Variants in RYR1 observed in about 807,000 individuals in gnomAD.
The protein encoded by RYR1 is central core disease of muscle.
A neutral mutation model predicts 583.5 loss-of-function variants in RYR1; 342 were observed. That is an observed-to-expected ratio of 0.59 (90% confidence interval 0.54 to 0.64). The LOEUF is 0.64. Ranked by LOEUF, RYR1 falls within the 30% of genes least tolerant of loss-of-function variation. The pLI is 0.00. For missense variants in RYR1, 6,032 were observed against 6,917.2 expected, an observed-to-expected ratio of 0.87 and a Z score of 4.54; for synonymous variants, 2,791 against 2,822.5, an observed-to-expected ratio of 0.99 and a Z score of 0.35.
At position 38,467,731 on chromosome 19, in the gene RYR1, C is replaced by G; in HGVS notation, c.3300C>G (p.Arg1100=). ...EFEAVTTGEM[R]VGWARPELRP... Reference sequence around the variant, plus strand: ...AAGCAGTCACCACAGGCGAGATGCGCGTGGGCTGGGCGAGGCCCGAGCTGA... The same window carrying G: ...AAGCAGTCACCACAGGCGAGATGCGGGTGGGCTGGGCGAGGCCCGAGCTGA... Residue 1100 remains arginine, a synonymous_variant, in exon 25 of 106, where the codon CGC becomes CGG. Transcript: ENST00000359596. 6.2e-7 allele frequency: 1 copy of G among 1,614,226 alleles called. No individual in the cohort carries two copies. The highest frequency in any genetic ancestry group is 8.5e-7 in the Non-Finnish European group (1 of 1,180,040).
rs765925723 is a variant in RYR1 at position 38,561,476 on chromosome 19, C to T, written c.12624+22C>T. On this transcript the variant is annotated intron_variant, in intron 90 of 105. Coordinates refer to ENST00000359596, the MANE Select transcript of RYR1 (RefSeq NM_000540.3). This position sits in a 1 kb window ranked among gnomAD's most constrained non-coding sequence, Gnocchi z 4.8. ...CCAGGTCAGGGAACCCGCGCGCGTG[C>T]AAGCTCGCCTCCTGGGGCTTCGGGC... is the stretch of plus-strand genomic sequence containing the variant. The T allele has an allele frequency of 2.4e-5, 39 of 1,595,724 alleles. No homozygotes were observed. The highest frequency in any genetic ancestry group is 3.3e-5 in the Non-Finnish European group (39 of 1,173,626).
chr19:38,494,545 CG>C lies in RYR1; in HGVS notation c.6469del (p.Glu2157SerfsTer22). On this transcript the variant is annotated frameshift_variant, in exon 39 of 106. Transcript: ENST00000359596. LOFTEE classifies it high-confidence loss of function. ...CCGTGGAAGACACCATGAGCCTGCT[CG>C]AGTGCCTCGGCCAGATCCGCTCGCT... ...SSVEDTMSLL[E>X]CLGQIRSLLI... The C allele has an allele frequency of 1.9e-6, 3 of 1,614,048 alleles. No homozygotes were observed. Among genetic ancestry groups the C allele is most frequent in the South Asian group, 1.1e-5 (1 of 91,082 alleles).
chr19:38,470,603 C>G (rs552586624), intron 27 of RYR1, among the ~76,000 whole-genome samples: 1 of 151,882 alleles, frequency 6.6e-6, no homozygotes, highest in Non-Finnish European at 1.5e-5. Context: ...AAATTAATGG[C>G]GTGGTGGCGG....
At chr19:38,461,497 G>A (rs552013007) in intron 20 of RYR1, among the ~76,000 whole-genome samples, 4 of 152,042 alleles carry the variant, frequency 2.6e-5, no homozygotes, top group African/African-American at 9.6e-5. Context: ...CTGAGAGGCC[G>A]AGGCAGGATT....
intron 49 of RYR1, among the ~76,000 whole-genome samples, chr19:38,503,554 C>T (rs1970300138): frequency 6.6e-6 from 1 of 152,296 alleles, no homozygotes; most frequent in Non-Finnish European, 1.5e-5. Context: ...GGGCAGATCA[C>T]TTGAGGTCAG....
intron 89 of RYR1, among the ~76,000 whole-genome samples, chr19:38,550,224 A>C (rs919127344): frequency 6.6e-6 from 1 of 152,006 alleles, no homozygotes; most frequent in African/African-American, 2.4e-5. Context: ...TTCTTTCGTC[A>C]ATGTCTTTTC....
In RYR1 at chr19:38,584,948, C is replaced by G; in HGVS notation, c.14652C>G (p.Tyr4884Ter). Reference protein sequence around the residue: ...DMKCDDMMTCYLFHMYVGVRA... With the variant: ...DMKCDDMMTC Reference sequence around the variant, plus strand: ...AGTGTGCTCCCCTCCCTCAGTGTTACCTGTTTCACATGTACGTGGGTGTCC... The same window carrying G: ...AGTGTGCTCCCCTCCCTCAGTGTTAGCTGTTTCACATGTACGTGGGTGTCC... Residue 4884 changes from tyrosine (Y) to a stop codon, truncating the protein, a stop_gained, in exon 102 of 106, where the codon TAC becomes TAG. Coordinates refer to ENST00000359596, the MANE Select transcript of RYR1 (RefSeq NM_000540.3). LOFTEE classifies it high-confidence loss of function. 6.2e-7 allele frequency: 1 copy of G among 1,613,876 alleles called. No individual in the cohort carries two copies. Among genetic ancestry groups the G allele is most frequent in the Non-Finnish European group, 8.5e-7 (1 of 1,179,904 alleles).
At chr19:38,450,761 AC>A (rs1402977412) in intron 11 of RYR1, among the ~76,000 whole-genome samples, 1 of 26,884 alleles carries the variant, frequency 3.7e-5, no homozygotes, top group Non-Finnish European at 6.8e-5. Context: ...CCTTTTCTGT[AC>A]AACGTGGAAA....
In RYR1 at chr19:38,543,438, G is replaced by C. The variant is rs758215068; in HGVS notation, c.11778+3G>C. 4.0e-5 allele frequency: 65 copies of C among 1,614,118 alleles called. No homozygotes were observed. The highest frequency in any genetic ancestry group is 5.4e-5 in the Non-Finnish European group (64 of 1,180,058). On this transcript the variant is annotated splice_donor_region_variant and intron_variant, in intron 85 of 105. Transcript: ENST00000359596. This position sits in a 1 kb window ranked among gnomAD's most constrained non-coding sequence, Gnocchi z 4.4. ...TGGACTACCTCCTGCGGCTGCAGGT[G>C]AGGACGTGAGACGGTTCAGGTGTGA...
At position 38,543,461 on chromosome 19, in the gene RYR1, T is replaced by G. The variant is rs1273163140; in HGVS notation, c.11778+26T>G. ...GTGAGGACGTGAGACGGTTCAGGTG[T>G]GACTTGGGTCGGGGGCTGCAGGGCC... On this transcript the variant is annotated intron_variant, in intron 85 of 105. Coordinates refer to ENST00000359596, the MANE Select transcript of RYR1 (RefSeq NM_000540.3). The surrounding 1 kb of genome is among the most constrained non-coding windows in gnomAD (Gnocchi z 4.4). 1.2e-6 allele frequency: 2 copies of G among 1,614,214 alleles called. No individual in the cohort carries two copies. The highest frequency in any genetic ancestry group is 1.7e-6 in the Non-Finnish European group (2 of 1,180,028).
intron 1 of RYR1, 69 bp downstream of exon 1, chr19:38,433,943 G>A: frequency 2.9e-6 from 4 of 1,365,442 alleles, no homozygotes; most frequent in Non-Finnish European, 4.2e-6. Context: ...CTCTGTCTCT[G>A]AATGTCCCTG....
intron 89 of RYR1, among the ~76,000 whole-genome samples, chr19:38,558,811 C>A (rs189569683): frequency 0.062 from 9,162 of 147,844 alleles, 402 homozygotes; most frequent in South Asian, 0.22. Context: ...AAAAAATAGT[C>A]CAGGTGTGGT....
At chr19:38,471,632 G>A (rs909152126) in intron 27 of RYR1, among the ~76,000 whole-genome samples, 1 of 152,056 alleles carries the variant, frequency 6.6e-6, no homozygotes, top group Admixed American at 6.6e-5. Flanking sequence ...TGGGCTCGGT[G>A]GCTCATGCCT....
intron 97 of RYR1, among the ~76,000 whole-genome samples, chr19:38,576,731 C>G (rs1973971198): frequency 1.3e-5 from 2 of 151,928 alleles, no homozygotes; most frequent in Non-Finnish European, 2.9e-5. Flanking sequence ...ACCCGGGCGG[C>G]AGAGGCTGCA....
At chr19:38,461,996 AGT>A (rs1241621872) in intron 20 of RYR1, among the ~76,000 whole-genome samples, 1 of 152,110 alleles carries the variant, frequency 6.6e-6, no homozygotes, top group African/African-American at 2.4e-5. Flanking sequence ...TGGAGGTTGC[AGT>A]GAGCCGAGAT....
Position 38,578,204 on chromosome 19 carries a change from C to G in RYR1, c.14364C>G (p.Asn4788Lys). The stretch of plus-strand genomic sequence containing the variant: ...AGTTCGGGGTCATCTTCACAGACAA[C>G]GTGAGCAGGGGCCCACAGACTGGGG... ...IWKFGVIFTD[N>K]SFLYLGWYMV... is the part of the protein sequence containing the mutation. The change falls in exon 99 of 106, where the codon AAC (asparagine) becomes AAG (lysine). Residue 4788 changes from asparagine to lysine, a missense_variant and splice_region_variant. Transcript: ENST00000359596. 6.2e-7 allele frequency: 1 copy of G among 1,613,400 alleles called. No individual in the cohort carries two copies. Among genetic ancestry groups the G allele is most frequent in the Non-Finnish European group, 8.5e-7 (1 of 1,179,738 alleles).
chr19:38,548,133 T>G, intron 88 of RYR1, 100 bp from the exon 89 acceptor site: 1 of 1,317,832 alleles, frequency 7.6e-7, no homozygotes, highest in Non-Finnish European at 1.1e-6. Context: ...CCAGGGACAC[T>G]CCAGCAGCGT....
At chr19:38,460,703 C>A (rs1034236215) in intron 20 of RYR1, 112 bp downstream of exon 20, 3 of 1,058,200 alleles carry the variant, frequency 2.8e-6, no homozygotes, top group Non-Finnish European at 1.4e-6. Context: ...GATGGCCAGG[C>A]GTGGTGGCTC....
At position 38,569,050 on chromosome 19, in the gene RYR1, G is replaced by A. The variant is rs573432056; in HGVS notation, c.13659+1133G>A. Reference sequence around the variant, plus strand: ...TTTTGAGACGGAGTCTCGCTCTGTTGCCCAGGTTGGAGTGCAGTGGCACAA... The same window carrying A: ...TTTTGAGACGGAGTCTCGCTCTGTTACCCAGGTTGGAGTGCAGTGGCACAA... On this transcript the variant is annotated intron_variant, in intron 93 of 105. Coordinates refer to ENST00000359596, the MANE Select transcript of RYR1 (RefSeq NM_000540.3). Among the ~76,000 whole-genome samples the A allele has an allele frequency of 5.3e-3, 797 of 151,510 alleles. 9 individuals are homozygous for A. Among genetic ancestry groups the A allele is most frequent in the African/African-American group, 0.018 (752 of 41,300 alleles).
Sources: allele counts gnomAD v4.1 joint callset (sites outside exome capture counted in the v4.1 genomes callset), GRCh38; gene constraint gnomAD v4.1.1; non-coding constraint Gnocchi (gnomAD v3.1); transcripts MANE v1.5; gene names NCBI Gene and HGNC (gene_info 2026-07-23, HGNC 2026-07-21).